The following ABCC6 variants were observed in gnomAD, a reference collection of about 807,000 sequenced individuals.
ABCC6 encodes ATP-binding cassette sub-family C member 6.
In ABCC6, 126 loss-of-function variants were observed where a neutral mutation model predicts 169.5. That is an observed-to-expected ratio of 0.74 (90% CI 0.64 to 0.86). The LOEUF is 0.86. Ranked by LOEUF, ABCC6 falls within the 40% of genes least tolerant of loss-of-function variation. The pLI is 0.00. For synonymous variants in ABCC6, 752 were observed against 814.7 expected, an observed-to-expected ratio of 0.92 and a Z score of 1.31; for missense variants, 1,733 against 1,927.2, an observed-to-expected ratio of 0.90 and a Z score of 1.89.
Position 16,192,850 on chromosome 16 carries a change from T to G in ABCC6, c.1411A>C (p.Lys471Gln), listed in dbSNP as rs751783664. The G allele has an allele frequency of 1.2e-6, 2 of 1,613,784 alleles. No homozygotes were observed. The highest frequency in any genetic ancestry group is 1.7e-6 in the Non-Finnish European group (2 of 1,179,936). The change falls in exon 11 of 31, where the codon AAG becomes CAG. Residue 471 changes from lysine (K) to glutamine (Q), a missense_variant. Around this residue, in one of 5 missense-constraint regions of ABCC6, gnomAD observed 1,601 missense variants for 1,635.5 expected, o/e 0.98. Transcript: ENST00000205557. ...SLLPLNFFIS[K>Q]KRNHHQEEQM... Reference sequence around the variant, plus strand: ...CAAACCTGATGGTGGTTCCTTTTCTTGGAGATGAAGAAATTCAGAGGGAGG... The same window carrying G: ...CAAACCTGATGGTGGTTCCTTTTCTGGGAGATGAAGAAATTCAGAGGGAGG...
intron 21 of ABCC6, among the ~76,000 whole-genome samples, chr16:16,170,098 G>C (rs56267718): frequency 4.7e-5 from 7 of 149,680 alleles, no homozygotes; most frequent in Admixed American, 1.3e-4. Flanking sequence ...TTTTTCTTTT[G>C]TTTTTTTTTT....
intron 4 of ABCC6, among the ~76,000 whole-genome samples, chr16:16,217,747 T>C (rs1567547252): frequency 6.6e-6 from 1 of 152,188 alleles, no homozygotes; most frequent in Non-Finnish European, 1.5e-5. Context: ...CAGAAATTAC[T>C]GAATAACCTG....
chr16:16,222,773 C>T (rs932802755), intron 1 of ABCC6, among the ~76,000 whole-genome samples: 6 of 151,930 alleles, frequency 3.9e-5, no homozygotes, highest in South Asian at 4.2e-4. Context: ...ATTCTCTCTC[C>T]GCTGTCTTTT....
chr16:16,173,287 G>A lies in ABCC6; in HGVS notation c.2784C>T (p.Gly928=), dbSNP rs749125777. ...GGTGGGTGAAGCTGGTGGTTACCCTGCCGTATTGGATGCTGTCCTTTCCTG... is the reference window on the plus strand; with the variant it reads ...GGTGGGTGAAGCTGGTGGTTACCCTACCGTATTGGATGCTGTCCTTTCCTG... ...WPAGKDSIQY[G]RVKATVHLAY... Residue 928 remains glycine (G), a synonymous_variant, in exon 21 of 31, where the codon GGC becomes GGT. Transcript: ENST00000205557. 3.7e-6 allele frequency: 6 copies of A among 1,613,838 alleles called. No homozygotes were observed. The highest frequency in any genetic ancestry group is 5.1e-6 in the Non-Finnish European group (6 of 1,179,946).
At chr16:16,208,103 C>T (rs532436872) in intron 7 of ABCC6, among the ~76,000 whole-genome samples, 1 of 152,178 alleles carries the variant, frequency 6.6e-6, no homozygotes, top group Non-Finnish European at 1.5e-5. Flanking sequence ...GTTGAGTCAC[C>T]TCCCAACCCT....
intron 29 of ABCC6, among the ~76,000 whole-genome samples, chr16:16,153,780 T>C (rs2046456726): frequency 6.6e-6 from 1 of 151,564 alleles, no homozygotes; most frequent in Non-Finnish European, 1.5e-5. Flanking sequence ...GGCTCACACC[T>C]GTAACCCCAG....
At position 16,198,055 on chromosome 16, in the gene ABCC6, A is replaced by G. The variant is rs2048112325; in HGVS notation, c.1304T>C (p.Val435Ala). 1 of 1,613,996 alleles carries G rather than the reference A, an allele frequency of 6.2e-7. No individual in the cohort carries two copies. The highest frequency in any genetic ancestry group is 8.5e-7 in the Non-Finnish European group (1 of 1,180,032). Residue 435 changes from valine to alanine, a missense_variant, in exon 10 of 31, where the codon GTC becomes GCC. By Grantham distance (64) the Val-to-Ala change is moderately conservative. This residue lies in a region of ABCC6 where 1,601 missense variants were observed against 1,635.5 expected (regional missense o/e 0.98). Transcript: ENST00000205557. Reference protein sequence around the residue: ...LYLNGLWLPLVWIVVCFVYLW... With the variant: ...LYLNGLWLPLAWIVVCFVYLW... ...ATAGACGAAGCAGACCACGATCCAG[A>G]CGAGAGGCAGCCACAGCCCGTTGAG...
intron 8 of ABCC6, among the ~76,000 whole-genome samples, chr16:16,202,562 A>G (rs1187230654): frequency 1.6e-5 from 2 of 124,518 alleles, no homozygotes; most frequent in African/African-American, 8.7e-5. Context: ...GCCCTAATCC[A>G]ATCTGATGGG....
chr16:16,167,665 C>T (rs1388390784), intron 22 of ABCC6, among the ~76,000 whole-genome samples: 2 of 152,294 alleles, frequency 1.3e-5, no homozygotes, highest in Admixed American at 6.5e-5. Context: ...GACGGGGTTT[C>T]ACCATGTTCG....
chr16:16,187,324 A>G, intron 13 of ABCC6, 113 bp from the exon 14 acceptor site: 1 of 858,958 alleles, frequency 1.2e-6, no homozygotes, highest in African/African-American at 1.7e-5. Context: ...AGCTCTGTGC[A>G]TAGGAGGCGT....
At chr16:16,215,438 GGTGTGTGT>G (rs56229208) in intron 4 of ABCC6, among the ~76,000 whole-genome samples, 40 of 136,948 alleles carry the variant, frequency 2.9e-4, no homozygotes, top group East Asian at 2.1e-3. Context: ...TTTAATTTTA[GGTGTGTGT>G]GTGTGTGTGT....
chr16:16,184,089 C>G lies in ABCC6; in HGVS notation c.1943+870G>C, dbSNP rs533356648. On this transcript the variant is annotated intron_variant, in intron 15 of 30. Coordinates refer to ENST00000205557, the MANE Select transcript of ABCC6 (RefSeq NM_001171.6). ...TAGCATGCGCCTGTAATCCCAGCTA[C>G]TCGGGAGGCTGAGGCAGGAGAATTG... 3 of 172,492 alleles carry G rather than the reference C, an allele frequency of 1.7e-5. No individual in the cohort carries two copies. In the East Asian group the frequency reaches 5.4e-4, roughly 31 times the overall value. The allele number at this position is 172,492 out of a possible 1,614,324, so 10.7% of individuals were successfully genotyped here. A position where few individuals can be genotyped will look rare whatever the true frequency, so the allele number is the denominator to read the frequency against.
Position 16,157,786 on chromosome 16 carries a change from A to C in ABCC6, c.3759T>G (p.Cys1253Trp). 6.2e-7 allele frequency: 1 copy of C among 1,612,872 alleles called. No individual in the cohort carries two copies. The highest frequency in any genetic ancestry group is 8.5e-7 in the Non-Finnish European group (1 of 1,179,964). ...CCTGAGGCCAGGGGGGCTGAGCTGC[A>C]CATGTGGGCAGCCTCCAGGGAGCCT... ...PKEAPWRLPT[C>W]AAQPPWPQGG... is the part of the protein sequence containing the mutation. The change falls in exon 27 of 31, where the codon TGT (cysteine) becomes TGG (tryptophan). Residue 1253 changes from cysteine to tryptophan, a missense_variant. Transcript: ENST00000205557.
At chr16:16,169,599 T>G (rs1234564213) in intron 22 of ABCC6, 47 bp downstream of exon 22, 2 of 1,601,916 alleles carry the variant, frequency 1.2e-6, no homozygotes, top group Non-Finnish European at 1.7e-6. Flanking sequence ...TGAGCACCCC[T>G]TGGTGCAGCT....
chr16:16,191,187 C>G (rs1289361714), intron 11 of ABCC6, among the ~76,000 whole-genome samples: 2 of 151,986 alleles, frequency 1.3e-5, no homozygotes, highest in Non-Finnish European at 2.9e-5. Flanking sequence ...GTGGTCTCGG[C>G]TCACTGTAAC....
chr16:16,173,589 G>A (rs2047179299), intron 20 of ABCC6, among the ~76,000 whole-genome samples, 185 bp from the exon 21 acceptor site: 1 of 151,962 alleles, frequency 6.6e-6, no homozygotes, highest in African/African-American at 2.4e-5. Flanking sequence ...ATGGTACCCA[G>A]CTAAATGCCA....
At chr16:16,152,167 T>G (rs1390452105) in intron 29 of ABCC6, among the ~76,000 whole-genome samples, 3 of 112,034 alleles carry the variant, frequency 2.7e-5, no homozygotes, top group African/African-American at 3.5e-5. Context: ...CACTCCAGCC[T>G]GGGCGACAGA....
At chr16:16,196,390 G>A (rs1018548674) in intron 10 of ABCC6, among the ~76,000 whole-genome samples, 4 of 152,160 alleles carry the variant, frequency 2.6e-5, no homozygotes, top group Admixed American at 2.6e-4. Context: ...GAGAGATGGT[G>A]TGGCCTCCAG....
intron 8 of ABCC6, among the ~76,000 whole-genome samples, chr16:16,202,631 G>A (rs55709104): frequency 0.32 from 49,041 of 150,920 alleles, 9,159 homozygotes; most frequent in African/African-American, 0.51. Context: ...CGCAAACAGA[G>A]GAAAGACCAT....
Sources: gnomAD v4.1 joint callset for allele counts (sites outside exome capture counted in the v4.1 genomes callset) on GRCh38, gnomAD v4.1.1 for gene constraint, gnomAD v4.1.1 regional missense constraint, MANE v1.5 for transcripts, NCBI Gene and HGNC (gene_info 2026-07-23, HGNC 2026-07-21) for gene names.